SLC35F2: variants seen among roughly 807,000 people sequenced by gnomAD.
SLC35F2 encodes the protein queuine/queuosine transporter SLC35F2.
Under a neutral mutation model 38.1 loss-of-function variants are expected in SLC35F2, and 25 were observed. The observed-to-expected ratio is 0.66, with a 90% confidence interval of 0.48 to 0.92. SLC35F2 has a LOEUF of 0.92. Among genes scored for constraint, SLC35F2 ranks in the 40% least tolerant of loss-of-function variants. SLC35F2 has a pLI of 0.00. For missense variants in SLC35F2, 409 were observed against 452.9 expected (o/e 0.90, Z 0.88); for synonymous variants, 173 against 181.7 (o/e 0.95, Z 0.38).
intron 1 of SLC35F2, among the ~76,000 whole-genome samples, chr11:107,824,146 TA>T (rs966476621): frequency 6.6e-6 from 1 of 152,066 alleles, no homozygotes; most frequent in South Asian, 2.1e-4. Context: ...TCAAAGTAGC[TA>T]AAAAAGTCAA....
chr11:107,843,699 T>G (rs1055893520), intron 1 of SLC35F2, among the ~76,000 whole-genome samples: 4 of 151,354 alleles, frequency 2.6e-5, no homozygotes, highest in African/African-American at 7.3e-5. Flanking sequence ...TACAAAAATT[T>G]TTTTAAAATT....
At chr11:107,818,073 AAAGAAAGAAAGAAAGAAAGAAAG>A (rs1859608161) in intron 1 of SLC35F2, among the ~76,000 whole-genome samples, 7 of 33,922 alleles carry the variant, frequency 2.1e-4, no homozygotes, top group Non-Finnish European at 3.4e-4. Context: ...AAAAAAAAAA[AAAGAAAGAAAGAAAGAAAGAAAG>A]AAAGAAAGAA....
At chr11:107,821,814 C>T (rs1859676574) in intron 1 of SLC35F2, among the ~76,000 whole-genome samples, 1 of 152,206 alleles carries the variant, frequency 6.6e-6, no homozygotes, top group African/African-American at 2.4e-5. Context: ...GGGGGCCAGG[C>T]TACCAGAATA....
At chr11:107,798,774 C>T (rs1306628864) in intron 7 of SLC35F2, among the ~76,000 whole-genome samples, 2 of 152,124 alleles carry the variant, frequency 1.3e-5, no homozygotes, top group Admixed American at 6.6e-5. Flanking sequence ...TTACAATCTG[C>T]CTTTAAAAAC....
intron 1 of SLC35F2, among the ~76,000 whole-genome samples, chr11:107,852,166 C>T (rs1860197690): frequency 6.6e-6 from 1 of 152,144 alleles, no homozygotes; most frequent in East Asian, 1.9e-4. Context: ...GCCTGTAATC[C>T]CAGCACTTTG....
chr11:107,855,385 GCTCACA>G (rs1305290841), intron 1 of SLC35F2, among the ~76,000 whole-genome samples: 2 of 152,164 alleles, frequency 1.3e-5, no homozygotes, highest in Admixed American at 6.5e-5. Flanking sequence ...CAGGCGTGTG[GCTCACA>G]CCTGTAATCC....
chr11:107,823,175 T>C (rs1859701950), intron 1 of SLC35F2: 1 of 985,232 alleles, frequency 1.0e-6, no homozygotes, highest in African/African-American at 1.7e-5. Flanking sequence ...AGAGGGTAGA[T>C]TCCAAGTATC....
rs976710331 is a variant in SLC35F2, at chr11:107,791,381, A to C, written c.*1234T>G. The stretch of plus-strand genomic sequence containing the variant: ...TCTTGAGCTGATGCTAAATAAAATG[A>C]GATCAATAGGAATATTCCAGGAGGT... On this transcript the variant is annotated 3_prime_UTR_variant, in exon 8 of 8. Coordinates refer to ENST00000525815, the MANE Select transcript of SLC35F2 (RefSeq NM_017515.5). 1 of 152,230 alleles carries C rather than the reference A, an allele frequency of 6.6e-6. No homozygotes were observed. Among genetic ancestry groups the C allele is most frequent in the African/African-American group, 2.4e-5 (1 of 41,458 alleles). The allele number at this position is 152,230 out of a possible 1,614,324, so 9.4% of individuals were successfully genotyped here.
intron 1 of SLC35F2, among the ~76,000 whole-genome samples, chr11:107,858,279 A>T (rs1033527491): frequency 3.3e-5 from 5 of 151,908 alleles, no homozygotes; most frequent in African/African-American, 1.2e-4. Flanking sequence ...GGCGCCAGGA[A>T]GTGGCGCTCA....
In SLC35F2 at chr11:107,792,494, C is replaced by A. The variant is rs1565425050; in HGVS notation, c.*121G>T. 1.7e-6 allele frequency: 2 copies of A among 1,190,982 alleles called. No homozygotes were observed. Among genetic ancestry groups the A allele is most frequent in the Admixed American group, 6.4e-5 (2 of 31,356 alleles). 73.8% of individuals were successfully genotyped at this position (1,190,982 alleles called of 1,614,324 possible). On this transcript the variant is annotated 3_prime_UTR_variant, in exon 8 of 8. Coordinates refer to ENST00000525815, the MANE Select transcript of SLC35F2 (RefSeq NM_017515.5). The stretch of plus-strand genomic sequence containing the variant: ...AGTGTTCCTTTCTAAAACCTAACCA[C>A]TGGATCCAACCCAGGGTTGTAGAGT...
chr11:107,843,868 AATATATATATATATATATAT>A (rs1178673709), intron 1 of SLC35F2, among the ~76,000 whole-genome samples: 10 of 46,862 alleles, frequency 2.1e-4, no homozygotes, highest in South Asian at 8.0e-4. Context: ...AAAAAAAAAA[AATATATATATATATATATAT>A]ATATATATAT....
At chr11:107,809,422 A>T (rs1591189724) in intron 3 of SLC35F2, among the ~76,000 whole-genome samples, 1 of 137,648 alleles carries the variant, frequency 7.3e-6, no homozygotes, top group East Asian at 2.1e-4. Flanking sequence ...AGATTATCCC[A>T]CTTCACTCCA....
chr11:107,821,592 A>C (rs530048659), intron 1 of SLC35F2: 1 of 985,422 alleles, frequency 1.0e-6, no homozygotes, highest in East Asian at 1.1e-4. Context: ...AAATTTGTAC[A>C]AGGTCCTGGT....
At position 107,858,646 on chromosome 11, in the gene SLC35F2, C is replaced by T. The variant is rs1215900715; in HGVS notation, c.110+12G>A. 2.3e-6 allele frequency: 3 copies of T among 1,286,124 alleles called. No individual in the cohort carries two copies. In the East Asian group the frequency reaches 8.7e-5, roughly 37 times the overall value. The allele number at this position is 1,286,124 out of a possible 1,614,324, so 79.7% of individuals were successfully genotyped here. On this transcript the variant is annotated intron_variant, in intron 1 of 7. Transcript: ENST00000525815. ...CGCCCCAGCGGAGCTGCAGCACGCC[C>T]CTTCCACTCACCAGGTGAAGAGTTT...
intron 7 of SLC35F2, among the ~76,000 whole-genome samples, chr11:107,799,991 C>T (rs913160720): frequency 6.6e-6 from 1 of 151,712 alleles, no homozygotes; most frequent in African/African-American, 2.4e-5. Context: ...CAGGTTCATG[C>T]CATTCTCCTG....
At chr11:107,816,214 T>C in intron 1 of SLC35F2, 1 of 985,322 alleles carries the variant, frequency 1.0e-6, no homozygotes, top group East Asian at 1.1e-4. Context: ...TGAACATCCA[T>C]TTAGAGATCA....
rs115955880 is a variant in SLC35F2 at position 107,822,545 on chromosome 11, T to C, written c.111-6580A>G. On this transcript the variant is annotated intron_variant, in intron 1 of 7. Coordinates refer to ENST00000525815, the MANE Select transcript of SLC35F2 (RefSeq NM_017515.5). ...CCCAGAACACATCGGGGAGCTCCACTGTGTGCCCCCACAAAATACCACAAC... is the reference window on the plus strand; with the variant it reads ...CCCAGAACACATCGGGGAGCTCCACCGTGTGCCCCCACAAAATACCACAAC... Among the ~76,000 whole-genome samples the C allele has an allele frequency of 9.8e-3, 1,487 of 152,216 alleles. 34 individuals carry two copies. The highest frequency in any genetic ancestry group is 0.034 in the African/African-American group (1,427 of 41,528).
At chr11:107,818,136 A>AAAGAAAGAAAG (rs781015500) in intron 1 of SLC35F2, among the ~76,000 whole-genome samples, 69 of 141,294 alleles carry the variant, frequency 4.9e-4, no homozygotes, top group Admixed American at 1.1e-3. Context: ...AAGAAAGAAA[A>AAAGAAAGAAAG]AGAAACAATT....
chr11:107,815,961 T>C lies in SLC35F2; in HGVS notation c.115A>G (p.Ile39Val). 6.2e-7 allele frequency: 1 copy of C among 1,609,290 alleles called. No individual in the cohort carries two copies. The highest frequency in any genetic ancestry group is 8.5e-7 in the Non-Finnish European group (1 of 1,178,866). Residue 39 changes from isoleucine to valine, a missense_variant, in exon 2 of 8, where the codon ATT (isoleucine) becomes GTT (valine). Transcript: ENST00000525815. ...RIKGKLFTWN[I>V]LKTIALGQML... Reference sequence around the variant, plus strand: ...TGACCCAGGGCAATTGTTTTCAAAATATTCCTAGAAAATAAGGGAAGAAAT... The same window carrying C: ...TGACCCAGGGCAATTGTTTTCAAAACATTCCTAGAAAATAAGGGAAGAAAT...
Sources: allele counts gnomAD v4.1 joint callset (sites outside exome capture counted in the v4.1 genomes callset), GRCh38; gene constraint gnomAD v4.1.1; transcripts MANE v1.5; gene names NCBI Gene and HGNC (gene_info 2026-07-23, HGNC 2026-07-21).